Variants in VDAC3 observed in about 807,000 individuals in gnomAD.
VDAC3 encodes the protein non-selective voltage-gated ion channel VDAC3.
In VDAC3, 7 loss-of-function variants were observed where a neutral mutation model predicts 33.9. That is an observed-to-expected ratio of 0.21 (90% CI 0.12 to 0.39). The LOEUF is 0.39. VDAC3 is among the 10% of genes least tolerant of loss of function. The pLI, the probability that VDAC3 is intolerant of heterozygous loss-of-function variation, is 1.00. For synonymous variants in VDAC3, 100 were observed against 122.4 expected (o/e 0.82, Z 1.21); for missense variants, 261 against 334.5 (o/e 0.78, Z 1.71).
intron 1 of VDAC3, 139 bp from the exon 2 acceptor site, chr8:42,393,706 C>T (rs977851768): frequency 2.6e-6 from 1 of 388,788 alleles, no homozygotes; most frequent in Non-Finnish European, 4.5e-6. Flanking sequence ...AAGATATATT[C>T]TAGATGAATA....
intron 3 of VDAC3, 100 bp from the exon 4 acceptor site, chr8:42,394,984 A>G (rs1209736166): frequency 3.2e-5 from 43 of 1,344,936 alleles, no homozygotes; most frequent in South Asian, 2.5e-4. Flanking sequence ...CATTTTTCAT[A>G]TGGAAGGTAC....
intron 4 of VDAC3, among the ~76,000 whole-genome samples, chr8:42,398,313 T>G (rs1051372478): frequency 3.3e-5 from 5 of 152,194 alleles, no homozygotes; most frequent in African/African-American, 1.2e-4. Flanking sequence ...TAGGGTGAAG[T>G]GGCATGATCT....
chr8:42,399,743 C>A (rs757647520), intron 6 of VDAC3, 40 bp downstream of exon 6: 2 of 1,578,276 alleles, frequency 1.3e-6, no homozygotes, highest in Non-Finnish European at 1.7e-6. Flanking sequence ...GTTTTTGGAG[C>A]CTGAAAGGGT....
At chr8:42,398,931 C>A in intron 5 of VDAC3, 67 bp downstream of exon 5, 4 of 1,553,096 alleles carry the variant, frequency 2.6e-6, no homozygotes, top group South Asian at 1.2e-5. Flanking sequence ...ATGAACATAC[C>A]CCAAATATAA....
At chr8:42,402,943 T>G in intron 7 of VDAC3, 1 of 188,058 alleles carries the variant, frequency 5.3e-6, no homozygotes, top group South Asian at 1.0e-4. Flanking sequence ...ACCTTTTTAT[T>G]TTTTTGCAGA....
intron 9 of VDAC3, 63 bp downstream of exon 9, chr8:42,404,987 T>A (rs1437263973): frequency 1.4e-6 from 2 of 1,467,444 alleles, no homozygotes; most frequent in African/African-American, 2.8e-5. Context: ...ACAATGAAAA[T>A]AACCTGCAGA....
At chr8:42,404,760 G>T in intron 8 of VDAC3, 107 bp from the exon 9 acceptor site, 1 of 826,638 alleles carries the variant, frequency 1.2e-6, no homozygotes. Context: ...TTCTAGATTG[G>T]CCCTAGGGTG....
At chr8:42,398,907 T>C in intron 5 of VDAC3, 43 bp downstream of exon 5, 12 of 1,597,962 alleles carry the variant, frequency 7.5e-6, no homozygotes, top group African/African-American at 1.3e-5. Flanking sequence ...TCAATTTATC[T>C]TGTAGATTGA....
chr8:42,400,673 C>CTTTTTTTTTTTTTTT (rs1188886241), intron 6 of VDAC3, among the ~76,000 whole-genome samples: 1 of 72,320 alleles, frequency 1.4e-5, no homozygotes, highest in Admixed American at 1.7e-4. Flanking sequence ...ATATTCTTTT[C>CTTTTTTTTTTTTTTT]TTTTTTTTTT....
At chr8:42,395,417 A>T (rs991230310) in intron 4 of VDAC3, among the ~76,000 whole-genome samples, 7 of 152,268 alleles carry the variant, frequency 4.6e-5, no homozygotes, top group African/African-American at 1.4e-4. Flanking sequence ...ATGAATATGT[A>T]TATGGGCACC....
At chr8:42,402,132 T>C (rs1431980371) in intron 7 of VDAC3, 117 bp downstream of exon 7, 10 of 1,114,732 alleles carry the variant, frequency 9.0e-6, no homozygotes, top group Non-Finnish European at 9.1e-6. Flanking sequence ...ATATCCATCC[T>C]TGCGGTGCTA....
chr8:42,404,332 G>A (rs1210374323), intron 8 of VDAC3, among the ~76,000 whole-genome samples: 2 of 152,188 alleles, frequency 1.3e-5, no homozygotes, highest in Non-Finnish European at 2.9e-5. Context: ...AGAGAATTCA[G>A]GGTGTTTGGT....
chr8:42,395,240 C>T, intron 4 of VDAC3, 107 bp downstream of exon 4: 1 of 1,502,100 alleles, frequency 6.7e-7, no homozygotes, highest in Non-Finnish European at 9.0e-7. Context: ...CTGTCTTCCC[C>T]ACAGCTTTGT....
intron 4 of VDAC3, 37 bp downstream of exon 4, chr8:42,395,170 A>C: frequency 6.2e-7 from 1 of 1,612,132 alleles, no homozygotes. Flanking sequence ...ATGTAACATA[A>C]TTAACTTAAA....
intron 3 of VDAC3, 66 bp downstream of exon 3, chr8:42,394,344 A>C: frequency 7.5e-7 from 1 of 1,334,264 alleles, no homozygotes; most frequent in Non-Finnish European, 1.1e-6. Context: ...ACTGTGTGTA[A>C]ATACTGTGTT....
At chr8:42,397,278 T>G (rs1353449110) in intron 4 of VDAC3, 1 of 152,410 alleles carries the variant, frequency 6.6e-6, no homozygotes, top group Admixed American at 6.5e-5. Flanking sequence ...TATCATTTTT[T>G]TTTTACTAAG....
intron 7 of VDAC3, among the ~76,000 whole-genome samples, chr8:42,402,778 T>C (rs954273252): frequency 6.6e-6 from 1 of 152,208 alleles, no homozygotes; most frequent in South Asian, 2.1e-4. Flanking sequence ...AGGAAAACCA[T>C]GTGAAAACCC....
chr8:42,400,316 G>A (rs1263607365), intron 6 of VDAC3, among the ~76,000 whole-genome samples: 1 of 149,790 alleles, frequency 6.7e-6, no homozygotes, highest in Non-Finnish European at 1.5e-5. Flanking sequence ...GCAACAGAGC[G>A]AGACTCTGTC....
chr8:42,402,128 A>C, intron 7 of VDAC3, 113 bp downstream of exon 7: 1 of 1,142,090 alleles, frequency 8.8e-7, no homozygotes, highest in Non-Finnish European at 1.3e-6. Context: ...GTGAATATCC[A>C]TCCTTGCGGT....
Sources: allele counts gnomAD v4.1 joint callset (sites outside exome capture counted in the v4.1 genomes callset), GRCh38; gene constraint gnomAD v4.1.1; transcripts MANE v1.5; gene names NCBI Gene and HGNC (gene_info 2026-07-23, HGNC 2026-07-21).